Variants in NCOA2 observed in about 807,000 individuals in gnomAD.
The protein encoded by NCOA2 is nuclear receptor coactivator 2.
In NCOA2, 21 loss-of-function variants were observed where a neutral mutation model predicts 145.1. That is an observed-to-expected ratio of 0.14 (90% CI 0.10 to 0.21). The LOEUF (loss-of-function observed/expected upper bound fraction) is 0.21, where lower values mean the gene tolerates loss of function less well. Ranked by LOEUF, NCOA2 falls within the 10% of genes least tolerant of loss-of-function variation. NCOA2 has a pLI of 1.00. For synonymous variants in NCOA2, 619 were observed against 637.5 expected (o/e 0.97, Z 0.44); for missense variants, 1,472 against 1,837.6 (o/e 0.80, Z 3.64).
At chr8:70,379,939 C>T (rs1812045098) in intron 1 of NCOA2, among the ~76,000 whole-genome samples, 1 of 151,984 alleles carries the variant, frequency 6.6e-6, no homozygotes, top group Non-Finnish European at 1.5e-5. Context: ...AAATTTCCCA[C>T]TGAAGGATAT....
intron 1 of NCOA2, among the ~76,000 whole-genome samples, chr8:70,400,757 G>A (rs1814157917): frequency 6.6e-6 from 1 of 152,124 alleles, no homozygotes; most frequent in Admixed American, 6.5e-5. Context: ...AATTCTCATG[G>A]TAAATTTGAA....
At chr8:70,315,683 A>C (rs1805527512) in intron 1 of NCOA2, among the ~76,000 whole-genome samples, 1 of 152,202 alleles carries the variant, frequency 6.6e-6, no homozygotes, top group Admixed American at 6.5e-5. Flanking sequence ...TCACAAACCA[A>C]AACCACAAGA....
chr8:70,336,283 A>T (rs958137069), intron 1 of NCOA2, among the ~76,000 whole-genome samples: 2 of 152,186 alleles, frequency 1.3e-5, no homozygotes, highest in African/African-American at 4.8e-5. Flanking sequence ...ACTGTCGTAT[A>T]TATGATCTGT....
intron 19 of NCOA2, among the ~76,000 whole-genome samples, chr8:70,125,374 A>C (rs1563485597): frequency 6.6e-6 from 1 of 152,026 alleles, no homozygotes; most frequent in Non-Finnish European, 1.5e-5. Context: ...GGATCCTCTC[A>C]CCTCAGCTTC....
At chr8:70,242,577 T>C (rs1475574387) in intron 2 of NCOA2, among the ~76,000 whole-genome samples, 1 of 152,142 alleles carries the variant, frequency 6.6e-6, no homozygotes, top group African/African-American at 2.4e-5. Flanking sequence ...TTCTGAATGA[T>C]AATTTTTAGA....
chr8:70,386,313 T>C (rs968451581), intron 1 of NCOA2, among the ~76,000 whole-genome samples: 6 of 152,214 alleles, frequency 3.9e-5, no homozygotes, highest in African/African-American at 1.4e-4. Flanking sequence ...ATGTATAGAC[T>C]CTTGGATGAG....
intron 9 of NCOA2, among the ~76,000 whole-genome samples, chr8:70,160,652 T>G (rs374055184): frequency 6.0e-4 from 19 of 31,508 alleles, no homozygotes; most frequent in Non-Finnish European, 1.2e-3. Context: ...CTGCCACAAG[T>G]GAGAGACAGA....
chr8:70,183,038 C>A (rs1253521037), intron 4 of NCOA2, among the ~76,000 whole-genome samples: 1 of 152,166 alleles, frequency 6.6e-6, no homozygotes, highest in Non-Finnish European at 1.5e-5. Flanking sequence ...TCTTCCACAG[C>A]AATGGAGTAC....
At chr8:70,347,422 T>C (rs1808775775) in intron 1 of NCOA2, among the ~76,000 whole-genome samples, 2 of 151,044 alleles carry the variant, frequency 1.3e-5, no homozygotes, top group Admixed American at 6.6e-5. Flanking sequence ...GGGGCGGAGG[T>C]TGCAGTGAGC....
chr8:70,256,524 T>C (rs746291936), intron 2 of NCOA2, among the ~76,000 whole-genome samples: 3 of 152,218 alleles, frequency 2.0e-5, no homozygotes, highest in Non-Finnish European at 4.4e-5. Flanking sequence ...GACTTCATTG[T>C]AAAGGTGCCC....
intron 11 of NCOA2, 23 bp downstream of exon 11, chr8:70,155,948 C>T (rs11786991): frequency 0.085 from 129,420 of 1,531,184 alleles, 6,017 homozygotes; most frequent in Admixed American, 0.16. Flanking sequence ...AGTACACCTG[C>T]GAGAAGATGT....
intron 1 of NCOA2, among the ~76,000 whole-genome samples, chr8:70,323,006 C>A (rs1298329798): frequency 6.6e-6 from 1 of 152,178 alleles, no homozygotes; most frequent in Non-Finnish European, 1.5e-5. Context: ...CAGGTACTTT[C>A]TTGACATCTG....
the NCOA2 span, among the ~76,000 whole-genome samples, chr8:70,443,763 G>T: frequency 6.6e-6 from 1 of 152,046 alleles, no homozygotes; most frequent in African/African-American, 2.4e-5. Flanking sequence ...GTAGAGATGT[G>T]ATCTTGCTAT....
intron 2 of NCOA2, among the ~76,000 whole-genome samples, chr8:70,237,917 C>T (rs1197786306): frequency 6.6e-6 from 1 of 151,782 alleles, no homozygotes; most frequent in African/African-American, 2.4e-5. Flanking sequence ...GTAAGGGAAA[C>T]CAAAGATGAC....
chr8:70,321,329 G>GTTT (rs566193167), intron 1 of NCOA2, among the ~76,000 whole-genome samples: 1 of 143,484 alleles, frequency 7.0e-6, no homozygotes, highest in African/African-American at 2.5e-5. Context: ...ACATCACTTT[G>GTTT]TTTTTTTTTT....
At chr8:70,407,917 T>C (rs1421349636), upstream of NCOA2, among the ~76,000 whole-genome samples, 1 of 152,178 alleles carries the variant, frequency 6.6e-6, no homozygotes, top group African/African-American at 2.4e-5. Flanking sequence ...ATTTTGTTAC[T>C]TTCCCACTTG....
chr8:70,122,230 C>T (rs1322693019), intron 21 of NCOA2, among the ~76,000 whole-genome samples: 1 of 152,056 alleles, frequency 6.6e-6, no homozygotes, highest in African/African-American at 2.4e-5. Context: ...GAAATAAAAG[C>T]ATAGATATCT....
intron 2 of NCOA2, among the ~76,000 whole-genome samples, chr8:70,225,373 C>G (rs1031147821): frequency 6.6e-6 from 1 of 151,764 alleles, no homozygotes; most frequent in Non-Finnish European, 1.5e-5. Context: ...CATGGTGAAA[C>G]CCGCCTCTAC....
At chr8:70,286,394 T>C (rs1359422535) in intron 2 of NCOA2, among the ~76,000 whole-genome samples, 1 of 152,264 alleles carries the variant, frequency 6.6e-6, no homozygotes, top group Non-Finnish European at 1.5e-5. Flanking sequence ...AATATACATA[T>C]ATATTTCCAT....
Sources: allele counts gnomAD v4.1 joint callset (sites outside exome capture counted in the v4.1 genomes callset), GRCh38; gene constraint gnomAD v4.1.1; transcripts MANE v1.5; gene names NCBI Gene and HGNC (gene_info 2026-07-23, HGNC 2026-07-21).